HIVEP1: variants seen among roughly 807,000 people sequenced by gnomAD.
The protein encoded by HIVEP1 is zinc finger protein 40.
HIVEP1 carries 36 observed loss-of-function variants against 180.0 expected under a neutral mutation model. The ratio of observed to expected loss-of-function variants is 0.20; its 90% CI spans 0.15 to 0.26. The LOEUF (loss-of-function observed/expected upper bound fraction) is 0.26. Among genes scored for constraint, HIVEP1 ranks in the 10% least tolerant of loss-of-function variants. HIVEP1 has a pLI of 1.00. For synonymous variants in HIVEP1, 1,239 were observed against 1,239.0 expected, an observed-to-expected ratio of 1.00 and a Z score of 0.00; for missense variants, 3,143 against 3,268.7, an observed-to-expected ratio of 0.96 and a Z score of 0.94.
intron 2 of HIVEP1, among the ~76,000 whole-genome samples, chr6:12,037,179 T>C (rs1439805218): frequency 6.6e-6 from 1 of 152,078 alleles, no homozygotes; most frequent in Non-Finnish European, 1.5e-5. Flanking sequence ...TGGGTGGGTG[T>C]ATATCGTATT....
At chr6:12,187,036 A>G in the HIVEP1 span, among the ~76,000 whole-genome samples, 2 of 152,216 alleles carry the variant, frequency 1.3e-5, no homozygotes, top group African/African-American at 4.8e-5. Flanking sequence ...AGGAAGTATC[A>G]GAAAACTTAA....
intron 2 of HIVEP1, among the ~76,000 whole-genome samples, chr6:12,017,519 G>C (rs1424226161): frequency 6.6e-6 from 1 of 151,980 alleles, no homozygotes; most frequent in Non-Finnish European, 1.5e-5. Context: ...CAGTCTGCAA[G>C]GGGACCCAAG....
intron 2 of HIVEP1, among the ~76,000 whole-genome samples, chr6:12,059,318 G>A (rs1429047437): frequency 2.0e-5 from 3 of 152,110 alleles, no homozygotes; most frequent in Admixed American, 6.5e-5. Flanking sequence ...AATTACAGGC[G>A]TGAGCCACTG....
chr6:12,127,311 A>G (rs1028455262), intron 4 of HIVEP1, among the ~76,000 whole-genome samples: 1 of 152,252 alleles, frequency 6.6e-6, no homozygotes, highest in African/African-American at 2.4e-5. Context: ...ATGGTGGTGG[A>G]GAACCAATGA....
rs964546100 is a variant in HIVEP1 at position 12,040,802 on chromosome 6, C to T, written c.40+25134C>T. Among the ~76,000 whole-genome samples the T allele has an allele frequency of 2.2e-4, 34 of 151,496 alleles. 1 individual carries two copies. The highest frequency in any genetic ancestry group is 4.4e-5 in the Non-Finnish European group (3 of 67,966). On this transcript the variant is annotated intron_variant, in intron 2 of 8. Transcript: ENST00000379388. ...CACTGGCATCTGCCTCTGGGGAGGCCTCAGGAAGCTTCCAATCATGGTGGA... is the reference window on the plus strand; with the variant it reads ...CACTGGCATCTGCCTCTGGGGAGGCTTCAGGAAGCTTCCAATCATGGTGGA...
chr6:12,208,957 C>CTACT, the HIVEP1 span, among the ~76,000 whole-genome samples: 1 of 152,198 alleles, frequency 6.6e-6, no homozygotes, highest in African/African-American at 2.4e-5. Flanking sequence ...GATTAATCTC[C>CTACT]TACTTCTTGC....
chr6:12,098,977 G>T (rs923374957), intron 3 of HIVEP1, among the ~76,000 whole-genome samples: 4 of 152,134 alleles, frequency 2.6e-5, no homozygotes, highest in Non-Finnish European at 4.4e-5. Context: ...TAAGAAAAGC[G>T]TTGGAAGTAG....
At chr6:12,186,632 C>T in the HIVEP1 span, among the ~76,000 whole-genome samples, 4 of 150,436 alleles carry the variant, frequency 2.7e-5, no homozygotes, top group African/African-American at 7.3e-5. Context: ...AGTAAATTAA[C>T]TGCCTGCCAG....
chr6:12,152,493 G>T (rs1759764975), intron 7 of HIVEP1, among the ~76,000 whole-genome samples: 1 of 152,196 alleles, frequency 6.6e-6, no homozygotes. Context: ...AGAGTTGTCT[G>T]TGCTTTGTTT....
chr6:12,200,052 G>C, the HIVEP1 span, among the ~76,000 whole-genome samples: 1 of 152,206 alleles, frequency 6.6e-6, no homozygotes, highest in Non-Finnish European at 1.5e-5. Flanking sequence ...TGGAGACCAA[G>C]ACTGCTGGAG....
chr6:12,094,681 G>C (rs1773686511), intron 3 of HIVEP1, among the ~76,000 whole-genome samples: 2 of 151,838 alleles, frequency 1.3e-5, no homozygotes, highest in Non-Finnish European at 2.9e-5. Context: ...TGCTAGATTT[G>C]ATTTGTTAAT....
At chr6:12,162,025 A>AT (rs1014050501) in intron 8 of HIVEP1, 96 bp downstream of exon 8, 24 of 1,153,980 alleles carry the variant, frequency 2.1e-5, no homozygotes, top group Admixed American at 9.2e-5. Context: ...CACTTAAGTG[A>AT]TTTTTTTAGG....
chr6:12,167,640 C>CATGTAT (rs1562023596), downstream of HIVEP1, among the ~76,000 whole-genome samples: 1,495 of 94,386 alleles, frequency 0.016, 47 homozygotes, highest in African/African-American at 0.055. Context: ...GTTATATATA[C>CATGTAT]ATATACATAT....
intron 7 of HIVEP1, among the ~76,000 whole-genome samples, chr6:12,144,150 C>T (rs543942338): frequency 6.6e-6 from 1 of 152,160 alleles, no homozygotes; most frequent in African/African-American, 2.4e-5. Context: ...GCTACAGTAA[C>T]CAAACAGCAT....
chr6:12,148,872 T>C (rs1475885032), intron 7 of HIVEP1, among the ~76,000 whole-genome samples: 4 of 152,190 alleles, frequency 2.6e-5, no homozygotes, highest in African/African-American at 4.8e-5. Context: ...CCCAGGAAAC[T>C]CTTTTATTTC....
chr6:12,080,307 C>A (rs1581643791), intron 2 of HIVEP1, among the ~76,000 whole-genome samples: 1 of 152,084 alleles, frequency 6.6e-6, no homozygotes, highest in Admixed American at 6.6e-5. Flanking sequence ...AATGTGTGCT[C>A]AACCATAAAA....
At chr6:12,066,514 G>A (rs1581614608) in intron 2 of HIVEP1, among the ~76,000 whole-genome samples, 1 of 152,200 alleles carries the variant, frequency 6.6e-6, no homozygotes, top group East Asian at 1.9e-4. Context: ...TACATATGAA[G>A]TTACAAGCTT....
chr6:12,180,794 C>A, the HIVEP1 span, among the ~76,000 whole-genome samples: 1 of 152,186 alleles, frequency 6.6e-6, no homozygotes, highest in African/African-American at 2.4e-5. Flanking sequence ...ATATTCAAAT[C>A]CGTGAACATA....
At position 12,125,762 on chromosome 6, in the gene HIVEP1, T is replaced by G; in HGVS notation, c.5967T>G (p.Leu1989=). ...CCACAAAAGTTGCACTTGCTCTCCT[T>G]AATTCAAAACAGAACACTGGAAAAT... is the stretch of plus-strand genomic sequence containing the variant. The part of the protein sequence containing the change: ...GLPTKVALAL[L]NSKQNTGKSL... Residue 1989 remains leucine, a synonymous_variant, in exon 4 of 9, where the codon CTT becomes CTG. Transcript: ENST00000379388. The G allele has an allele frequency of 6.2e-7, 1 of 1,614,030 alleles. No homozygotes were observed. Among genetic ancestry groups the G allele is most frequent in the South Asian group, 1.1e-5 (1 of 91,084 alleles).
Sources: allele counts gnomAD v4.1 joint callset (sites outside exome capture counted in the v4.1 genomes callset), GRCh38; gene constraint gnomAD v4.1.1; transcripts MANE v1.5; gene names NCBI Gene and HGNC (gene_info 2026-07-23, HGNC 2026-07-21).